SGCZ: variants seen among roughly 807,000 people sequenced by gnomAD.
SGCZ encodes zeta-sarcoglycan.
Under a neutral mutation model 41.3 loss-of-function variants are expected in SGCZ, and 40 were observed. The observed-to-expected ratio is 0.97, with a 90% confidence interval of 0.75 to 1.26. The LOEUF is 1.26. SGCZ is among the 50% of genes most tolerant of loss of function. SGCZ has a pLI of 0.00. For missense variants in SGCZ, 552 were observed against 369.8 expected, an observed-to-expected ratio of 1.49 and a Z score of -4.04; for synonymous variants, 206 against 137.5, an observed-to-expected ratio of 1.50 and a Z score of -3.49.
At chr8:14,659,945 A>G (rs1023935969) in intron 1 of SGCZ, among the ~76,000 whole-genome samples, 1 of 152,150 alleles carries the variant, frequency 6.6e-6, no homozygotes, top group Admixed American at 6.5e-5. Context: ...CCCAGTGAGA[A>G]TGGCATGTGA....
chr8:15,059,041 C>A (rs2131007222), intron 1 of SGCZ, among the ~76,000 whole-genome samples: 1 of 151,978 alleles, frequency 6.6e-6, no homozygotes, highest in Non-Finnish European at 1.5e-5. Context: ...ATTATTCTAC[C>A]AAAATATTAG....
intron 3 of SGCZ, among the ~76,000 whole-genome samples, chr8:14,282,969 C>T (rs1434085242): frequency 1.3e-5 from 2 of 149,290 alleles, no homozygotes; most frequent in Non-Finnish European, 3.0e-5. Flanking sequence ...CCTGCCTCAG[C>T]CTCCCGAGTA....
chr8:14,800,437 A>C (rs1365034531), intron 1 of SGCZ, among the ~76,000 whole-genome samples: 3 of 152,154 alleles, frequency 2.0e-5, no homozygotes, highest in African/African-American at 4.8e-5. Context: ...TTTATTTTGC[A>C]TCTCTATGAA....
chr8:15,187,134 A>T (rs1800373270), intron 1 of SGCZ, among the ~76,000 whole-genome samples: 1 of 152,194 alleles, frequency 6.6e-6, no homozygotes, highest in Non-Finnish European at 1.5e-5. Flanking sequence ...CTGATTCTTG[A>T]ATTAAGCCCA....
chr8:14,096,050 CAG>C (rs1487013675), intron 7 of SGCZ, among the ~76,000 whole-genome samples: 3 of 152,166 alleles, frequency 2.0e-5, no homozygotes, highest in Admixed American at 6.5e-5. Context: ...CATCTGCAAA[CAG>C]AGACAATTTG....
Position 14,537,370 on chromosome 8 carries a change from C to G in SGCZ, c.234+17362G>C, listed in dbSNP as rs189277796. On this transcript the variant is annotated intron_variant, in intron 2 of 7. Transcript: ENST00000382080. The stretch of plus-strand genomic sequence containing the variant: ...CATTTCCACTCAGTTTTGGGGCAAC[C>G]TATGTCAATGTGGGGACTCTCTACA... Among the ~76,000 whole-genome samples, 614 of 151,952 alleles carry G rather than the reference C, an allele frequency of 4.0e-3. 1 individual carries two copies. The highest frequency in any genetic ancestry group is 0.014 in the African/African-American group (563 of 41,502).
At position 14,582,605 on chromosome 8, in the gene SGCZ, C is replaced by A. The variant is rs570754118; in HGVS notation, c.40-27679G>T. ...TACATGTGCCATGCTGGTGTGCTGC[C>A]CATTAACTCGTCATTTAGCATTAGG... is the stretch of plus-strand genomic sequence containing the variant. On this transcript the variant is annotated intron_variant, in intron 1 of 7. Transcript: ENST00000382080. Among the ~76,000 whole-genome samples, 107 of 147,924 alleles carry A rather than the reference C, an allele frequency of 7.2e-4. 1 individual carries two copies. In the South Asian group the frequency reaches 0.023, roughly 31 times the overall value.
intron 2 of SGCZ, among the ~76,000 whole-genome samples, chr8:14,366,951 C>A (rs1318342399): frequency 6.6e-5 from 10 of 152,210 alleles, no homozygotes; most frequent in African/African-American, 2.4e-4. Context: ...AACATTTGGG[C>A]TCTTCATTAC....
At chr8:14,655,838 G>A (rs1416795884) in intron 1 of SGCZ, among the ~76,000 whole-genome samples, 4 of 152,070 alleles carry the variant, frequency 2.6e-5, no homozygotes, top group Non-Finnish European at 5.9e-5. Flanking sequence ...TCATTTAGGA[G>A]TGTTACATAA....
Position 14,474,081 on chromosome 8 carries a change from G to C in SGCZ, c.234+80651C>G, listed in dbSNP as rs1023827312. Among the ~76,000 whole-genome samples the C allele has an allele frequency of 4.6e-5, 7 of 152,166 alleles. No individual in the cohort carries two copies. The East Asian group carries it at 1.2e-3, about 25-fold the overall frequency. On this transcript the variant is annotated intron_variant, in intron 2 of 7. Coordinates refer to ENST00000382080, the MANE Select transcript of SGCZ (RefSeq NM_139167.4). ...TTATAGGGGAAAGAAGAAGTCTCTTGTCAACAGAAATAGAATCTTTCTATT... is the reference window on the plus strand; with the variant it reads ...TTATAGGGGAAAGAAGAAGTCTCTTCTCAACAGAAATAGAATCTTTCTATT...
intron 1 of SGCZ, among the ~76,000 whole-genome samples, chr8:14,640,821 G>C (rs551294519): frequency 6.8e-4 from 103 of 151,710 alleles, no homozygotes; most frequent in African/African-American, 2.3e-3. Context: ...TTTTCTGATA[G>C]CTGGAGCCCC....
At chr8:14,683,512 A>G (rs1808512455) in intron 1 of SGCZ, among the ~76,000 whole-genome samples, 1 of 152,184 alleles carries the variant, frequency 6.6e-6, no homozygotes, top group African/African-American at 2.4e-5. Context: ...AACTTGAAAC[A>G]CACAATGTAA....
chr8:14,336,284 T>C (rs1323601593), intron 2 of SGCZ, among the ~76,000 whole-genome samples: 1 of 152,188 alleles, frequency 6.6e-6, no homozygotes, highest in Non-Finnish European at 1.5e-5. Context: ...TATTCCATAG[T>C]GTATAGGTGC....
intron 1 of SGCZ, among the ~76,000 whole-genome samples, chr8:14,685,423 C>G (rs1378629202): frequency 6.6e-6 from 1 of 151,980 alleles, no homozygotes; most frequent in African/African-American, 2.4e-5. Context: ...GTTAATTTTT[C>G]TAAATTAACA....
chr8:15,076,289 G>A (rs1383765647), intron 1 of SGCZ, among the ~76,000 whole-genome samples: 1 of 152,102 alleles, frequency 6.6e-6, no homozygotes, highest in Non-Finnish European at 1.5e-5. Context: ...AAAGAGGGAA[G>A]TATATGTGTT....
intron 1 of SGCZ, among the ~76,000 whole-genome samples, chr8:14,925,933 G>A (rs1224666497): frequency 1.3e-5 from 2 of 152,204 alleles, no homozygotes; most frequent in African/African-American, 4.8e-5. Context: ...AGTGACAACA[G>A]GGCAGAGATG....
At chr8:14,868,558 T>C (rs1804019094) in intron 1 of SGCZ, among the ~76,000 whole-genome samples, 1 of 152,142 alleles carries the variant, frequency 6.6e-6, no homozygotes, top group Non-Finnish European at 1.5e-5. Context: ...GAGTAATTGA[T>C]TTTCTGGAGA....
At chr8:14,289,404 T>C (rs1800763197) in intron 3 of SGCZ, among the ~76,000 whole-genome samples, 1 of 152,138 alleles carries the variant, frequency 6.6e-6, no homozygotes. Flanking sequence ...GTAGTGTTAG[T>C]TGTTATACTT....
intron 1 of SGCZ, among the ~76,000 whole-genome samples, chr8:15,024,823 C>A (rs894855687): frequency 4.6e-5 from 7 of 152,132 alleles, no homozygotes; most frequent in Middle Eastern, 3.4e-3. Context: ...GTAGTCCCAG[C>A]TACTAAGGAG....
Sources: gnomAD v4.1 joint callset for allele counts (sites outside exome capture counted in the v4.1 genomes callset) on GRCh38, gnomAD v4.1.1 for gene constraint, MANE v1.5 for transcripts, NCBI Gene and HGNC (gene_info 2026-07-23, HGNC 2026-07-21) for gene names.